MDGA2: variants seen among roughly 807,000 people sequenced by gnomAD.
The protein encoded by MDGA2 is MAM domain containing glycosylphosphatidylinositol anchor 2, also known as MAM domain-containing glycosylphosphatidylinositol anchor protein 2.
In MDGA2, 40 loss-of-function variants were observed where a neutral mutation model predicts 117.8. That is an observed-to-expected ratio of 0.34 (90% CI 0.26 to 0.44). The LOEUF is 0.44. Among genes scored for constraint, MDGA2 ranks in the 20% least tolerant of loss-of-function variants. MDGA2 has a pLI of 1.00. For synonymous variants in MDGA2, 452 were observed against 439.0 expected, an observed-to-expected ratio of 1.03 and a Z score of -0.37; for missense variants, 1,123 against 1,250.6, an observed-to-expected ratio of 0.90 and a Z score of 1.54.
At chr14:47,155,995 C>T (rs931847505) in intron 3 of MDGA2, among the ~76,000 whole-genome samples, 2 of 139,256 alleles carry the variant, frequency 1.4e-5, no homozygotes, top group South Asian at 2.3e-4. Flanking sequence ...CTGCAACCTC[C>T]GCCTCCCAGG....
intron 2 of MDGA2, among the ~76,000 whole-genome samples, chr14:47,264,580 T>C (rs1887902843): frequency 6.6e-6 from 1 of 152,158 alleles, no homozygotes; most frequent in East Asian, 1.9e-4. Context: ...TTCTTAGTAA[T>C]TAGGGCTTTT....
At chr14:47,547,631 A>C (rs559999397) in intron 1 of MDGA2, among the ~76,000 whole-genome samples, 32 of 152,340 alleles carry the variant, frequency 2.1e-4, no homozygotes, top group Middle Eastern at 3.4e-3. Context: ...AGGTTTGCCC[A>C]GGTAAAAGCA....
chr14:47,672,277 G>A (rs1898088671), intron 1 of MDGA2, among the ~76,000 whole-genome samples: 1 of 152,098 alleles, frequency 6.6e-6, no homozygotes, highest in Non-Finnish European at 1.5e-5. Context: ...CTGGCTACAT[G>A]ACTAATAACC....
intron 1 of MDGA2, among the ~76,000 whole-genome samples, chr14:47,637,310 T>A (rs1361240961): frequency 6.6e-6 from 1 of 152,196 alleles, no homozygotes; most frequent in East Asian, 1.9e-4. Flanking sequence ...GCTGGTTTTG[T>A]TGGTTGTTAA....
chr14:47,218,288 A>C, intron 2 of MDGA2, 93 bp from the exon 3 acceptor site: 1 of 1,075,176 alleles, frequency 9.3e-7, no homozygotes, highest in African/African-American at 1.6e-5. Context: ...TTGCATTTAG[A>C]GCTGCTACAT....
intron 14 of MDGA2, among the ~76,000 whole-genome samples, chr14:46,867,715 T>G (rs1881831808): frequency 6.6e-6 from 1 of 152,094 alleles, no homozygotes; most frequent in African/African-American, 2.4e-5. Flanking sequence ...AAATTTTTAT[T>G]TGAACAAGTT....
chr14:46,942,509 G>A (rs1376835100), intron 9 of MDGA2, among the ~76,000 whole-genome samples: 1 of 151,990 alleles, frequency 6.6e-6, no homozygotes, highest in African/African-American at 2.4e-5. Flanking sequence ...CCATAATCAA[G>A]ATATAGATTC....
Position 47,478,778 on chromosome 14 carries a change from T to C in MDGA2, c.281-177228A>G, listed in dbSNP as rs540171709. 2.1e-3 allele frequency among the ~76,000 whole-genome samples: 327 copies of C among 152,278 alleles called. 1 individual carries two copies. The highest frequency in any genetic ancestry group is 3.6e-3 in the Non-Finnish European group (248 of 68,020). ...ACATTGAGAAAAATCTCCTGTGAGT[T>C]AGAGATTAAGTGGAGAATGTTTGAC... On this transcript the variant is annotated intron_variant, in intron 1 of 16. Transcript: ENST00000399232.
At chr14:47,227,239 GA>G (rs2139556590) in intron 2 of MDGA2, among the ~76,000 whole-genome samples, 1 of 152,200 alleles carries the variant, frequency 6.6e-6, no homozygotes, top group South Asian at 2.1e-4. Context: ...CACTCAGAGG[GA>G]AAGCCTGGGA....
chr14:47,287,219 C>T (rs1282327828), intron 2 of MDGA2, among the ~76,000 whole-genome samples: 1 of 151,936 alleles, frequency 6.6e-6, no homozygotes, highest in Non-Finnish European at 1.5e-5. Flanking sequence ...GTGATATATG[C>T]CAAGCCTTTT....
chr14:47,649,577 C>T (rs1479590785), intron 1 of MDGA2, among the ~76,000 whole-genome samples: 1 of 152,040 alleles, frequency 6.6e-6, no homozygotes, highest in East Asian at 1.9e-4. Context: ...TCCAGCTACT[C>T]AGGAGGCTGA....
rs1892717766 is a variant in MDGA2 at position 47,427,621 on chromosome 14, TTGTCA to T, written c.281-126076_281-126072del. Among the ~76,000 whole-genome samples the T allele has an allele frequency of 5.9e-5, 9 of 152,268 alleles. No individual in the cohort carries two copies. In the South Asian group the frequency reaches 1.9e-3, roughly 32 times the overall value. On this transcript the variant is annotated intron_variant, in intron 1 of 16. Transcript: ENST00000399232. ...GCAAGAATTAATTGCAACTGAGTAA[TTGTCA>T]CCAGGTTGTGTGGTGGGAGACAGAG...
At chr14:46,912,797 T>C (rs1883755633) in intron 10 of MDGA2, among the ~76,000 whole-genome samples, 1 of 152,216 alleles carries the variant, frequency 6.6e-6, no homozygotes, top group Non-Finnish European at 1.5e-5. Flanking sequence ...CAAGGGTCCA[T>C]CCCTGACCCA....
intron 1 of MDGA2, among the ~76,000 whole-genome samples, chr14:47,568,877 T>C (rs781235371): frequency 1.3e-5 from 2 of 152,170 alleles, no homozygotes; most frequent in Admixed American, 6.5e-5. Flanking sequence ...AGTAAGCTTC[T>C]ATTTGGAGAG....
At chr14:47,114,607 A>T (rs1413483646) in intron 5 of MDGA2, among the ~76,000 whole-genome samples, 1 of 152,146 alleles carries the variant, frequency 6.6e-6, no homozygotes, top group Non-Finnish European at 1.5e-5. Flanking sequence ...AGATCTCAGA[A>T]ATAAAACTGC....
chr14:47,268,778 G>C (rs953338088), intron 2 of MDGA2, among the ~76,000 whole-genome samples: 1 of 152,186 alleles, frequency 6.6e-6, no homozygotes, highest in Non-Finnish European at 1.5e-5. Flanking sequence ...AACTATGTCT[G>C]AAACATTCTC....
chr14:46,958,050 T>C (rs1262990384), intron 8 of MDGA2, among the ~76,000 whole-genome samples: 6 of 152,204 alleles, frequency 3.9e-5, no homozygotes, highest in African/African-American at 1.4e-4. Context: ...TTCATTTACT[T>C]CATGGTCTGA....
chr14:47,214,471 CTG>C (rs1281734562), intron 3 of MDGA2, among the ~76,000 whole-genome samples: 1 of 152,044 alleles, frequency 6.6e-6, no homozygotes, highest in Admixed American at 6.6e-5. Flanking sequence ...ATTTTTCAAA[CTG>C]TATTCTTGAT....
At chr14:46,894,645 A>AT (rs1413648199) in intron 10 of MDGA2, among the ~76,000 whole-genome samples, 3 of 152,284 alleles carry the variant, frequency 2.0e-5, no homozygotes, top group Non-Finnish European at 2.9e-5. Flanking sequence ...GTTTGTACTC[A>AT]TAACTGTTAC....
Sources: gnomAD v4.1 joint callset for allele counts (sites outside exome capture counted in the v4.1 genomes callset) on GRCh38, gnomAD v4.1.1 for gene constraint, MANE v1.5 for transcripts, NCBI Gene and HGNC (gene_info 2026-07-23, HGNC 2026-07-21) for gene names.